The following LMNTD1 variants were observed in gnomAD, a reference collection of about 807,000 sequenced individuals.
The protein encoded by LMNTD1 is lamin tail domain containing 1.
LMNTD1 carries 35 observed loss-of-function variants against 50.9 expected under a neutral mutation model. The observed-to-expected ratio is 0.69, with a 90% confidence interval of 0.53 to 0.91. LMNTD1 has a LOEUF of 0.91. Among genes scored for constraint, LMNTD1 ranks in the 40% least tolerant of loss-of-function variants. LMNTD1 has a pLI of 0.00. For missense variants in LMNTD1, 470 were observed against 475.5 expected, an observed-to-expected ratio of 0.99 and a Z score of 0.11; for synonymous variants, 153 against 161.9, an observed-to-expected ratio of 0.94 and a Z score of 0.42.
At chr12:25,518,405 CATT>C (rs1291544989) in intron 8 of LMNTD1, among the ~76,000 whole-genome samples, 1 of 152,140 alleles carries the variant, frequency 6.6e-6, no homozygotes, top group Non-Finnish European at 1.5e-5. Flanking sequence ...TGGGGATTAA[CATT>C]AGAGTGTGTT....
intron 1 of LMNTD1, among the ~76,000 whole-genome samples, chr12:25,576,421 T>C (rs1230940398): frequency 1.3e-5 from 2 of 152,246 alleles, no homozygotes; most frequent in African/African-American, 4.8e-5. Flanking sequence ...TGGTTTTGAC[T>C]TGCATTTCTC....
intron 4 of LMNTD1, among the ~76,000 whole-genome samples, chr12:25,537,784 G>C (rs979272803): frequency 6.6e-6 from 1 of 152,150 alleles, no homozygotes. Context: ...TGAGCTATGG[G>C]AGGACATTCA....
upstream of LMNTD1, among the ~76,000 whole-genome samples, chr12:25,554,611 A>T (rs1233589693): frequency 6.6e-6 from 1 of 152,220 alleles, no homozygotes; most frequent in Non-Finnish European, 1.5e-5. Context: ...GAGGATGTTG[A>T]TAGTAGTCAT....
At position 25,605,890 on chromosome 12, in the gene LMNTD1, T is replaced by C. The variant is rs1220888858; in HGVS notation, c.58+42604A>G. Reference sequence around the variant, plus strand: ...ATGAAGAAAGTCATTGGTAGCTTGATGGGGATGGCATTGAATCTATAAATT... The same window carrying C: ...ATGAAGAAAGTCATTGGTAGCTTGACGGGGATGGCATTGAATCTATAAATT... On this transcript the variant is annotated intron_variant, in intron 1 of 7. Transcript: ENST00000445693. Among the ~76,000 whole-genome samples, 3 of 152,226 alleles carry C rather than the reference T, an allele frequency of 2.0e-5. No individual in the cohort carries two copies. The East Asian group carries it at 5.8e-4, about 29-fold the overall frequency.
chr12:25,552,945 T>A lies in LMNTD1; in HGVS notation c.15A>T (p.Gln5His). The change falls in exon 2 of 10, where the codon CAA becomes CAT. Residue 5 changes from glutamine to histidine, a missense_variant. By Grantham distance (24) the Gln-to-His change is conservative. Transcript: ENST00000458174. Reference protein sequence around the residue: MKDTQDIQEASKAMQ... With the variant: MKDTHDIQEASKAMQ... ...TTGCCTTCGAAGCTTCCTGAATGTC[T>A]TGTGTATCTTTCATCTTGGCTAGAA... 3.8e-6 allele frequency: 6 copies of A among 1,576,912 alleles called. No homozygotes were observed. Among genetic ancestry groups the A allele is most frequent in the Non-Finnish European group, 5.2e-6 (6 of 1,159,790 alleles).
chr12:25,638,958 G>A (rs1946893739), intron 1 of LMNTD1, among the ~76,000 whole-genome samples: 1 of 152,188 alleles, frequency 6.6e-6, no homozygotes. Flanking sequence ...TCCTCTGGCA[G>A]TGGGTTATAC....
At chr12:25,629,746 G>T (rs987595849) in intron 1 of LMNTD1, among the ~76,000 whole-genome samples, 1 of 152,124 alleles carries the variant, frequency 6.6e-6, no homozygotes, top group African/African-American at 2.4e-5. Context: ...TGCTATCATG[G>T]CTATTAATTC....
chr12:25,532,612 A>C (rs1033242505), intron 4 of LMNTD1, among the ~76,000 whole-genome samples: 5 of 152,130 alleles, frequency 3.3e-5, no homozygotes, highest in African/African-American at 1.2e-4. Flanking sequence ...CCTTCTATGA[A>C]ATCTCGTGAT....
chr12:25,514,155 A>G (rs546450690), intron 8 of LMNTD1, among the ~76,000 whole-genome samples: 1 of 152,316 alleles, frequency 6.6e-6, no homozygotes, highest in Non-Finnish European at 1.5e-5. Flanking sequence ...TACCAATAAC[A>G]ACAGGAACAG....
intron 2 of LMNTD1, among the ~76,000 whole-genome samples, chr12:25,552,424 G>C (rs957490119): frequency 6.6e-6 from 1 of 151,678 alleles, no homozygotes; most frequent in Admixed American, 6.6e-5. Flanking sequence ...CAAGACCACG[G>C]TGAAACCTCG....
chr12:25,513,174 G>C (rs781089596), intron 8 of LMNTD1, among the ~76,000 whole-genome samples: 5 of 152,150 alleles, frequency 3.3e-5, no homozygotes, highest in Non-Finnish European at 5.9e-5. Flanking sequence ...GTGACTTTCA[G>C]CACATCTTCC....
At chr12:25,533,816 T>C (rs1239377255) in intron 4 of LMNTD1, among the ~76,000 whole-genome samples, 2 of 152,094 alleles carry the variant, frequency 1.3e-5, no homozygotes, top group African/African-American at 4.8e-5. Flanking sequence ...ATAAATGGGG[T>C]TTAGTCTGAA....
chr12:25,515,455 A>G (rs2666785), intron 8 of LMNTD1, among the ~76,000 whole-genome samples: 112,068 of 151,474 alleles, frequency 0.74, 42,378 homozygotes, highest in East Asian at 0.88. Context: ...AAATATATAT[A>G]TATGGATCCA....
At chr12:25,552,039 A>G (rs1419490802) in intron 2 of LMNTD1, among the ~76,000 whole-genome samples, 1 of 152,210 alleles carries the variant, frequency 6.6e-6, no homozygotes, top group African/African-American at 2.4e-5. Flanking sequence ...ATATTTAAAA[A>G]TGGACTTGGA....
At chr12:25,555,600 T>G (rs1443290939), upstream of LMNTD1, among the ~76,000 whole-genome samples, 1 of 152,176 alleles carries the variant, frequency 6.6e-6, no homozygotes, top group African/African-American at 2.4e-5. Flanking sequence ...TTATGTTTTT[T>G]GAAAAGGGTT....
chr12:25,628,649 G>A (rs1323257640), intron 1 of LMNTD1, among the ~76,000 whole-genome samples: 1 of 152,168 alleles, frequency 6.6e-6, no homozygotes, highest in African/African-American at 2.4e-5. Context: ...CCTCATGAGA[G>A]GGACATAAGA....
chr12:25,562,281 T>A (rs1054016839), intron 1 of LMNTD1, among the ~76,000 whole-genome samples: 4 of 152,240 alleles, frequency 2.6e-5, no homozygotes, highest in Non-Finnish European at 5.9e-5. Flanking sequence ...TAACGATTGT[T>A]CCTTTCCATG....
rs16928972 is a variant in LMNTD1, at chr12:25,505,327, C to T, written c.1190-1527G>A. ...TAAAGAAGGTTACAATCTTTCATAA[C>T]TAAAGGACAATTTAAAACACTTGTT... On this transcript the variant is annotated intron_variant, in intron 8 of 9. Transcript: ENST00000458174. Among the ~76,000 whole-genome samples the T allele has an allele frequency of 0.019, 2,838 of 152,146 alleles. 181 individuals carry two copies. The East Asian group carries it at 0.2, about 11-fold the overall frequency.
intron 1 of LMNTD1, among the ~76,000 whole-genome samples, chr12:25,640,279 G>A (rs1330267312): frequency 6.6e-6 from 1 of 152,110 alleles, no homozygotes; most frequent in Non-Finnish European, 1.5e-5. Flanking sequence ...GGAGGCCAAG[G>A]CGGGCAGATT....
Sources: gnomAD v4.1 joint callset for allele counts (sites outside exome capture counted in the v4.1 genomes callset) on GRCh38, gnomAD v4.1.1 for gene constraint, MANE v1.5 for transcripts, NCBI Gene and HGNC (gene_info 2026-07-23, HGNC 2026-07-21) for gene names.